Variants in CHLSN observed in about 807,000 individuals in gnomAD.
The protein encoded by CHLSN is cholesin, also known as protein cholesin.
At chr7:1,005,006 C>T in the CHLSN span, among the ~76,000 whole-genome samples, 3 of 152,058 alleles carry the variant, frequency 2.0e-5, no homozygotes, top group Admixed American at 2.0e-4. Context: ...TAAAAAAAAG[C>T]AGGGGCGGCT....
At chr7:1,047,908 G>A in the CHLSN span, among the ~76,000 whole-genome samples, 3 of 152,202 alleles carry the variant, frequency 2.0e-5, no homozygotes, top group Admixed American at 6.5e-5. Flanking sequence ...TTACGTCACT[G>A]AATACATCCC....
At chr7:1,115,058 A>C in the CHLSN span, among the ~76,000 whole-genome samples, 1 of 152,262 alleles carries the variant, frequency 6.6e-6, no homozygotes, top group African/African-American at 2.4e-5. Context: ...ACCAGACTGC[A>C]GTCCACAAAA....
the CHLSN span, among the ~76,000 whole-genome samples, chr7:980,116 G>A: frequency 1.3e-5 from 2 of 152,204 alleles, no homozygotes; most frequent in South Asian, 2.1e-4. Context: ...GAATCTGTGC[G>A]GCCATCTCTG....
chr7:987,471 G>T, the CHLSN span: 3 of 1,561,032 alleles, frequency 1.9e-6, no homozygotes, highest in Non-Finnish European at 2.6e-6. Flanking sequence ...TCACGCTCCT[G>T]CCGCACGTGC....
the CHLSN span, among the ~76,000 whole-genome samples, chr7:1,036,688 C>CA: frequency 1.5e-4 from 22 of 149,320 alleles, no homozygotes; most frequent in South Asian, 4.3e-4. Context: ...AAAAAAAATC[C>CA]GATAGGGGAA....
At chr7:1,038,592 G>A in the CHLSN span, among the ~76,000 whole-genome samples, 2 of 88,826 alleles carry the variant, frequency 2.3e-5, no homozygotes, top group Non-Finnish European at 4.6e-5. Flanking sequence ...GCCTCTGCCC[G>A]GCCGCCCCTA....
chr7:1,027,435 C>G, the CHLSN span, among the ~76,000 whole-genome samples: 1 of 152,360 alleles, frequency 6.6e-6, no homozygotes, highest in Admixed American at 6.5e-5. Context: ...GGACACAGCG[C>G]AGGACCAGCA....
chr7:1,016,995 CA>C, the CHLSN span, among the ~76,000 whole-genome samples: 184 of 141,390 alleles, frequency 1.3e-3, 9 homozygotes, highest in African/African-American at 5.3e-3. Flanking sequence ...CACAGCAGCG[CA>C]CAGGAGCACA....
chr7:1,109,999 AGG>A, the CHLSN span, among the ~76,000 whole-genome samples: 2 of 152,130 alleles, frequency 1.3e-5, no homozygotes, highest in Admixed American at 1.3e-4. Context: ...AATGAGCCGG[AGG>A]GCAGCGTGGG....
chr7:1,004,213 G>A, the CHLSN span, among the ~76,000 whole-genome samples: 1 of 152,126 alleles, frequency 6.6e-6, no homozygotes, highest in African/African-American at 2.4e-5. Context: ...GTGGGCCCCT[G>A]TGAGGTGCAC....
At chr7:1,044,847 C>G in the CHLSN span, among the ~76,000 whole-genome samples, 26 of 152,176 alleles carry the variant, frequency 1.7e-4, no homozygotes, top group Admixed American at 1.1e-3. Flanking sequence ...GTCCTCCGGC[C>G]GCGCTCCGAG....
chr7:1,051,227 ACT>A, the CHLSN span, among the ~76,000 whole-genome samples: 2 of 152,110 alleles, frequency 1.3e-5, no homozygotes, highest in African/African-American at 4.8e-5. Flanking sequence ...TCCCATGAAC[ACT>A]GTGTCCCAAC....
chr7:1,062,669 C>A, the CHLSN span, among the ~76,000 whole-genome samples: 2 of 152,198 alleles, frequency 1.3e-5, no homozygotes, highest in South Asian at 4.1e-4. Context: ...GAGGATGGAA[C>A]TGAGGTGTTG....
the CHLSN span, among the ~76,000 whole-genome samples, chr7:1,124,428 G>A: frequency 2.0e-5 from 3 of 151,554 alleles, no homozygotes; most frequent in African/African-American, 7.3e-5. Flanking sequence ...GAGGCTCTGC[G>A]GAATTGAGAC....
chr7:1,090,360 A>G, the CHLSN span, among the ~76,000 whole-genome samples: 1 of 152,242 alleles, frequency 6.6e-6, no homozygotes, highest in African/African-American at 2.4e-5. Flanking sequence ...GAGAACTTCC[A>G]GGAGCACAGT....
At chr7:982,269 C>A in the CHLSN span, among the ~76,000 whole-genome samples, 1 of 152,216 alleles carries the variant, frequency 6.6e-6, no homozygotes, top group Non-Finnish European at 1.5e-5. Context: ...TCAAGGGGGA[C>A]CAACCCGGGA....
At chr7:1,082,996 G>T in the CHLSN span, among the ~76,000 whole-genome samples, 1 of 152,234 alleles carries the variant, frequency 6.6e-6, no homozygotes, top group Admixed American at 6.5e-5. Flanking sequence ...ACCGAGGTGG[G>T]GCTGGGACAA....
chr7:1,018,215 G>A, the CHLSN span, among the ~76,000 whole-genome samples: 2 of 152,176 alleles, frequency 1.3e-5, no homozygotes, highest in African/African-American at 4.8e-5. Flanking sequence ...TGGCGGGTGG[G>A]GTCCAAGTCA....
chr7:1,059,834 TGTAGTGAGGCGGGTCC>T, the CHLSN span, among the ~76,000 whole-genome samples: 1 of 30,202 alleles, frequency 3.3e-5, no homozygotes, highest in Non-Finnish European at 5.8e-5. Flanking sequence ...GGGGCGGGTC[TGTAGTGAGGCGGGTCC>T]GTAGTGGGGC....
Sources: gnomAD v4.1 joint callset for allele counts (sites outside exome capture counted in the v4.1 genomes callset) on GRCh38, gnomAD v4.1.1 for gene constraint, MANE v1.5 for transcripts, NCBI Gene and HGNC (gene_info 2026-07-23, HGNC 2026-07-21) for gene names.